The following RAB5B variants were observed in gnomAD, a reference collection of about 807,000 sequenced individuals.
The protein encoded by RAB5B is RAB5B, member RAS oncogene family, also known as ras-related protein Rab-5B.
Under a neutral mutation model 28.6 loss-of-function variants are expected in RAB5B, and 11 were observed. The observed-to-expected ratio is 0.38, with a 90% CI of 0.24 to 0.64. The LOEUF (loss-of-function observed/expected upper bound fraction) is 0.64, where lower values mean the gene tolerates loss of function less well. Ranked by LOEUF, RAB5B falls within the 30% of genes least tolerant of loss-of-function variation. The pLI, the probability that RAB5B is intolerant of heterozygous loss-of-function variation, is 0.53. For synonymous variants in RAB5B, 93 were observed against 97.9 expected (o/e 0.95, Z 0.29); for missense variants, 169 against 265.6 (o/e 0.64, Z 2.53).
At position 55,992,770 on chromosome 12, in the gene RAB5B, GT is replaced by G; in HGVS notation, c.*561del. ...TCCTTTTTGTTTTTATTTGGTTGGA[GT>G]TTCTCATATTTGAAAACATTGCGGT... is the stretch of plus-strand genomic sequence containing the variant. On this transcript the variant is annotated 3_prime_UTR_variant, in exon 6 of 6. Coordinates refer to ENST00000360299, the MANE Select transcript of RAB5B (RefSeq NM_002868.4). 3.3e-6 allele frequency: 1 copy of G among 298,724 alleles called. No individual in the cohort carries two copies. Among genetic ancestry groups the G allele is most frequent in the South Asian group, 2.8e-5 (1 of 35,478 alleles). 18.5% of individuals were successfully genotyped at this position (298,724 alleles called of 1,614,324 possible).
chr12:55,988,601 T>A (rs936653773), intron 2 of RAB5B, among the ~76,000 whole-genome samples: 9 of 152,122 alleles, frequency 5.9e-5, no homozygotes, highest in Non-Finnish European at 1.2e-4. Flanking sequence ...CCTCCCAGGT[T>A]CAAGTGATTC....
At chr12:55,978,351 A>G (rs1395938914) in intron 1 of RAB5B, among the ~76,000 whole-genome samples, 2 of 151,968 alleles carry the variant, frequency 1.3e-5, no homozygotes, top group African/African-American at 4.8e-5. Flanking sequence ...AAATACAAAA[A>G]ATTAGCTGGG....
In RAB5B at chr12:55,986,189, G is replaced by A. The variant is rs2136482908; in HGVS notation, c.-92-680G>A. On this transcript the variant is annotated intron_variant, in intron 1 of 5. Coordinates refer to ENST00000360299, the MANE Select transcript of RAB5B (RefSeq NM_002868.4). The stretch of plus-strand genomic sequence containing the variant: ...AGGCCAGGCACGGTGGCTCATGCCT[G>A]TAATATCAGCACTTTGGAAGGCCAA... Among the ~76,000 whole-genome samples, 2 of 152,340 alleles carry A rather than the reference G, an allele frequency of 1.3e-5. 1 individual carries two copies. The highest frequency in any genetic ancestry group is 1.3e-4 in the Admixed American group (2 of 15,300).
At chr12:55,976,915 T>C (rs1889661216) in intron 1 of RAB5B, among the ~76,000 whole-genome samples, 1 of 152,120 alleles carries the variant, frequency 6.6e-6, no homozygotes, top group African/African-American at 2.4e-5. Flanking sequence ...GAAACCTCGG[T>C]TTTTTCCCCC....
intron 1 of RAB5B, among the ~76,000 whole-genome samples, chr12:55,983,044 T>C (rs185822808): frequency 6.6e-6 from 1 of 152,240 alleles, no homozygotes; most frequent in Admixed American, 6.5e-5. Context: ...ATCTGTCCTT[T>C]TTTTTTTATT....
Position 55,979,902 on chromosome 12 carries a change from T to C in RAB5B, c.-93+5763T>C, listed in dbSNP as rs187019373. Among the ~76,000 whole-genome samples, 251 of 152,340 alleles carry C rather than the reference T, an allele frequency of 1.6e-3. 2 individuals carry two copies. Among genetic ancestry groups the C allele is most frequent in the Middle Eastern group, 3.4e-3 (1 of 294 alleles). On this transcript the variant is annotated intron_variant, in intron 1 of 5. Coordinates refer to ENST00000360299, the MANE Select transcript of RAB5B (RefSeq NM_002868.4). The stretch of plus-strand genomic sequence containing the variant: ...GACTAGGAGTCCTACATTTACTGCT[T>C]AGCAGTTGGCTGTATGGTAACACTT...
intron 1 of RAB5B, chr12:55,980,709 T>A: frequency 1.3e-6 from 2 of 1,579,156 alleles, no homozygotes; most frequent in Non-Finnish European, 1.7e-6. Context: ...GCTGAGGCAT[T>A]CTCCATGATG....
intron 2 of RAB5B, 138 bp from the exon 3 acceptor site, chr12:55,989,809 C>G (rs1402470278): frequency 3.8e-6 from 4 of 1,060,068 alleles, no homozygotes; most frequent in Non-Finnish European, 4.3e-6. Flanking sequence ...AAGGAGAACT[C>G]AAAACCTTTT....
chr12:55,994,385 T>TC lies in RAB5B; in HGVS notation c.*2179dup, dbSNP rs371574885. 4.1e-5 allele frequency: 4 copies of TC among 98,218 alleles called. No homozygotes were observed. The highest frequency in any genetic ancestry group is 1.6e-4 in the African/African-American group (4 of 25,662). The allele number at this position is 98,218 out of a possible 1,614,324, so 6.1% of individuals were successfully genotyped here. A position where few individuals can be genotyped will look rare whatever the true frequency, so the allele number is the denominator to read the frequency against. On this transcript the variant is annotated 3_prime_UTR_variant, in exon 6 of 6. Transcript: ENST00000360299. ...GAAACCACTTCCCCAGGCTTCTCCC[T>TC]CCCCCCACCCCCATAGGAACAGGAT...
At chr12:55,983,654 CTTT>C (rs34363943) in intron 1 of RAB5B, among the ~76,000 whole-genome samples, 7 of 121,686 alleles carry the variant, frequency 5.8e-5, no homozygotes, top group African/African-American at 1.3e-4. Flanking sequence ...GTTATGTCTC[CTTT>C]TTTTTTTTTT....
Position 55,992,607 on chromosome 12 carries a change from T to A in RAB5B, c.*395T>A. 1 of 443,978 alleles carries A rather than the reference T, an allele frequency of 2.3e-6. No homozygotes were observed. The highest frequency in any genetic ancestry group is 1.6e-5 in the South Asian group (1 of 61,214). The allele number at this position is 443,978 out of a possible 1,614,324, so 27.5% of individuals were successfully genotyped here. A position where few individuals can be genotyped will look rare whatever the true frequency, so the allele number is the denominator to read the frequency against. On this transcript the variant is annotated 3_prime_UTR_variant, in exon 6 of 6. Transcript: ENST00000360299. ...CCTTCTGCTTTTGGTCAGTCCCTGT[T>A]CTTGAGCCTCTTTTCTCCTCTCCCC...
intron 1 of RAB5B, among the ~76,000 whole-genome samples, chr12:55,984,352 G>T (rs770351614): frequency 2.9e-4 from 44 of 152,256 alleles, no homozygotes; most frequent in Middle Eastern, 6.8e-3. Flanking sequence ...ACCACGCCCA[G>T]CTAATTTTTG....
At chr12:55,980,363 C>T in intron 1 of RAB5B, 1 of 1,341,494 alleles carries the variant, frequency 7.5e-7, no homozygotes, top group Non-Finnish European at 1.1e-6. Flanking sequence ...CCTGCTCACT[C>T]CCTCTGCTGT....
chr12:55,990,874 C>T (rs1009184878), intron 4 of RAB5B, 70 bp downstream of exon 4: 22 of 1,573,234 alleles, frequency 1.4e-5, no homozygotes, highest in Non-Finnish European at 1.8e-5. Context: ...TCCAAACCAG[C>T]CCTCTCTGAA....
Position 55,990,104 on chromosome 12 carries a change from T to G in RAB5B, c.315+6T>G. On this transcript the variant is annotated splice_donor_region_variant and intron_variant, in intron 3 of 5. Transcript: ENST00000360299. ...TTTACGACATTACTAATCAGGTAAG[T>G]GAGCTAAGAAGACTGTCCTTGTTGG... 6.2e-7 allele frequency: 1 copy of G among 1,611,354 alleles called. No individual in the cohort carries two copies.
intron 1 of RAB5B, among the ~76,000 whole-genome samples, chr12:55,984,230 G>A (rs1044280327): frequency 6.8e-5 from 10 of 146,010 alleles, no homozygotes; most frequent in East Asian, 4.1e-4. Context: ...TTGCTCTGTC[G>A]CCAGGCTGGA....
intron 3 of RAB5B, 25 bp from the exon 4 acceptor site, chr12:55,990,657 A>G (rs923231972): frequency 8.1e-6 from 13 of 1,612,214 alleles, no homozygotes; most frequent in South Asian, 4.4e-5. Flanking sequence ...ATTCCAGCCT[A>G]CTCATTCTCT....
Position 55,990,924 on chromosome 12 carries a change from C to A in RAB5B, c.438+120C>A, listed in dbSNP as rs964967920. On this transcript the variant is annotated intron_variant, in intron 4 of 5. Transcript: ENST00000360299. ...ACATTCATTGTCTCATTCCCCAGTT[C>A]TACACCAAGTTAAATACAGCAACAC... 60 of 1,300,164 alleles carry A rather than the reference C, an allele frequency of 4.6e-5. No homozygotes were observed. In the African/African-American group the frequency reaches 8.0e-4, roughly 17 times the overall value. 80.5% of individuals were successfully genotyped at this position (1,300,164 alleles called of 1,614,324 possible).
At chr12:55,986,076 C>T (rs1889943519) in intron 1 of RAB5B, among the ~76,000 whole-genome samples, 1 of 152,146 alleles carries the variant, frequency 6.6e-6, no homozygotes, top group South Asian at 2.1e-4. Flanking sequence ...CAGCAACTAC[C>T]CTTCTGCCCT....
Sources: allele counts gnomAD v4.1 joint callset (sites outside exome capture counted in the v4.1 genomes callset), GRCh38; gene constraint gnomAD v4.1.1; transcripts MANE v1.5; gene names NCBI Gene and HGNC (gene_info 2026-07-23, HGNC 2026-07-21).